SFXN3: variants seen among roughly 807,000 people sequenced by gnomAD.
SFXN3 encodes sideroflexin-3.
Under a neutral mutation model 40.4 loss-of-function variants are expected in SFXN3, and 31 were observed. That is an observed-to-expected ratio of 0.77 (90% CI 0.58 to 1.04). SFXN3 has a LOEUF of 1.04. Ranked by LOEUF, SFXN3 falls within the 50% of genes least tolerant of loss-of-function variation. The pLI is 0.00. For synonymous variants in SFXN3, 157 were observed against 160.0 expected, an observed-to-expected ratio of 0.98 and a Z score of 0.14; for missense variants, 366 against 408.2, an observed-to-expected ratio of 0.90 and a Z score of 0.89.
At position 101,036,334 on chromosome 10, in the gene SFXN3, A is replaced by C. The variant is rs1274960117; in HGVS notation, c.432-152A>C. 1.2e-6 allele frequency: 1 copy of C among 810,126 alleles called. No homozygotes were observed. Among genetic ancestry groups the C allele is most frequent in the Non-Finnish European group, 2.0e-6 (1 of 502,098 alleles). 50.2% of individuals were successfully genotyped at this position (810,126 alleles called of 1,614,324 possible). Reference sequence around the variant, plus strand: ...CACAGGGTGCTACTGGGGCTTCTAGACAAGTTTACGCCGGAGATGGAGGGA... The same window carrying C: ...CACAGGGTGCTACTGGGGCTTCTAGCCAAGTTTACGCCGGAGATGGAGGGA... On this transcript the variant is annotated intron_variant, in intron 5 of 11. Coordinates refer to ENST00000393459, the Ensembl canonical transcript of SFXN3. The surrounding 1 kb of genome is among the most constrained non-coding windows in gnomAD (Gnocchi z 4.2).
In SFXN3 at chr10:101,036,427, G is replaced by C. The variant is rs1273844184; in HGVS notation, c.432-59G>C. ...TTGAGGACTTGGCATATCCCTAAAG[G>C]AAAGGGCCACCTGCTGGACTTGTCA... On this transcript the variant is annotated intron_variant, in intron 5 of 11. Transcript: ENST00000393459. This position sits in a 1 kb window ranked among gnomAD's most constrained non-coding sequence, Gnocchi z 4.2. The C allele has an allele frequency of 6.4e-7, 1 of 1,556,208 alleles. No individual in the cohort carries two copies. Among genetic ancestry groups the C allele is most frequent in the East Asian group, 2.2e-5 (1 of 44,510 alleles).
intron 2 of SFXN3, among the ~76,000 whole-genome samples, chr10:101,033,970 T>C (rs976821301): frequency 2.0e-5 from 3 of 152,096 alleles, no homozygotes; most frequent in Non-Finnish European, 2.9e-5. Flanking sequence ...GTTTTTCTCC[T>C]ATCTCAGAAT....
Position 101,039,918 on chromosome 10 carries a change from T to C in SFXN3, c.*333T>C. ...ATGTTCTGACATCTGGCTTCCCTTC[T>C]CAGCCTCATGTCCACCTGCCTGCCA... On this transcript the variant is annotated 3_prime_UTR_variant, in exon 12 of 12. Coordinates refer to ENST00000393459, the Ensembl canonical transcript of SFXN3. The surrounding 1 kb of genome is among the most constrained non-coding windows in gnomAD (Gnocchi z 4.6). 3.7e-6 allele frequency: 1 copy of C among 269,914 alleles called. No individual in the cohort carries two copies. Among genetic ancestry groups the C allele is most frequent in the Non-Finnish European group, 7.2e-6 (1 of 139,574 alleles). 16.7% of individuals were successfully genotyped at this position (269,914 alleles called of 1,614,324 possible).
At chr10:101,035,059 G>A (rs886859415) in intron 3 of SFXN3, among the ~76,000 whole-genome samples, 3 of 152,218 alleles carry the variant, frequency 2.0e-5, no homozygotes, top group Non-Finnish European at 2.9e-5. Flanking sequence ...TGATATTTAT[G>A]GGAGGGGCTG....
intron 2 of SFXN3, among the ~76,000 whole-genome samples, chr10:101,033,751 A>C (rs807050): frequency 0.36 from 54,657 of 151,950 alleles, 10,337 homozygotes; most frequent in Non-Finnish European, 0.38. Context: ...AAAGGAATGT[A>C]GTAGTAGAGC....
intron 2 of SFXN3, 85 bp from the exon 3 acceptor site, chr10:101,034,607 C>A: frequency 6.8e-7 from 1 of 1,461,926 alleles, no homozygotes; most frequent in South Asian, 1.2e-5. Flanking sequence ...AGCTCAGGGG[C>A]CAGGGCAGGG....
chr10:101,040,527 C>T (rs1398794592), exon 12 of SFXN3: 1 of 151,850 alleles, frequency 6.6e-6, no homozygotes, highest in Non-Finnish European at 1.5e-5. Flanking sequence ...AGGACATCCT[C>T]AAGGGCAGCT....
chr10:101,032,166 G>A (rs1938271392), intron 1 of SFXN3, 148 bp from the exon 2 acceptor site: 3 of 353,848 alleles, frequency 8.5e-6, no homozygotes, highest in Non-Finnish European at 1.5e-5. Context: ...AGGGAGCAGC[G>A]CCCGCGGCTC....
At position 101,039,536 on chromosome 10, in the gene SFXN3, A is replaced by T. The variant is rs765553802; in HGVS notation, c.917A>T (p.His306Leu). ...GAACCAGAGCTGAGAGCTCAGATCC[A>T]TGAGCAAAACCCCAGCGTTGAAGTG... Residue 306 changes from histidine (H) to leucine (L), a missense_variant, in exon 12 of 12, where the codon CAT becomes CTT. Transcript: ENST00000393459. This position sits in a 1 kb window ranked among gnomAD's most constrained non-coding sequence, Gnocchi z 4.6. 1.2e-6 allele frequency: 2 copies of T among 1,614,130 alleles called. No individual in the cohort carries two copies. The highest frequency in any genetic ancestry group is 3.3e-5 in the Admixed American group (2 of 60,020).
chr10:101,031,259 G>A (rs1337760264), exon 1 of SFXN3: 1 of 152,350 alleles, frequency 6.6e-6, no homozygotes, highest in East Asian at 1.9e-4. Flanking sequence ...TTAGGCGCCA[G>A]GGACAGCCGA....
rs1215335608 is a variant in SFXN3, at chr10:101,039,122, G to C, written c.822-53G>C. On this transcript the variant is annotated intron_variant, in intron 10 of 11. Transcript: ENST00000393459. The surrounding 1 kb of genome is among the most constrained non-coding windows in gnomAD (Gnocchi z 4.6). Reference sequence around the variant, plus strand: ...AAGGATGGGGTGGGGTGCAGGGAGGGAACACCCTAAGGCCAAAGCTTTACA... The same window carrying C: ...AAGGATGGGGTGGGGTGCAGGGAGGCAACACCCTAAGGCCAAAGCTTTACA... 7 of 1,517,014 alleles carry C rather than the reference G, an allele frequency of 4.6e-6. No homozygotes were observed. Among genetic ancestry groups the C allele is most frequent in the East Asian group, 4.5e-5 (2 of 44,432 alleles). 94.0% of individuals were successfully genotyped at this position (1,517,014 alleles called of 1,614,324 possible). A position where few individuals can be genotyped will look rare whatever the true frequency, so the allele number is the denominator to read the frequency against.
At chr10:101,034,802 G>A in exon 3 of SFXN3, 5 of 1,614,180 alleles carry the variant, frequency 3.1e-6, no homozygotes, top group Non-Finnish European at 4.2e-6. Flanking sequence ...CTCGAAATCT[G>A]CTGCTGTCCG....
chr10:101,037,103 T>C (rs1938650084), exon 8 of SFXN3: 1 of 1,613,958 alleles, frequency 6.2e-7, no homozygotes, highest in South Asian at 1.1e-5. Flanking sequence ...TCCCGGTGGC[T>C]GATGAGGCAG....
rs545533417 is a variant in SFXN3, at chr10:101,034,563, T to C, written c.-3-129T>C. 6.6e-6 allele frequency: 6 copies of C among 908,912 alleles called. No individual in the cohort carries two copies. In the South Asian group the frequency reaches 9.4e-5, roughly 14 times the overall value. The allele number at this position is 908,912 out of a possible 1,614,324, so 56.3% of individuals were successfully genotyped here. A position where few individuals can be genotyped will look rare whatever the true frequency, so the allele number is the denominator to read the frequency against. On this transcript the variant is annotated intron_variant, in intron 2 of 11. Coordinates refer to ENST00000393459, the Ensembl canonical transcript of SFXN3. ...GATCTCTCTTTCTTTTCCCTACATC[T>C]AGTCACCTTGAGCTCTTGAAGGGAC...
chr10:101,032,477 GA>G, exon 2 of SFXN3: 1 of 1,550,098 alleles, frequency 6.5e-7, no homozygotes, highest in Non-Finnish European at 8.7e-7. Context: ...GAGAGCGATG[GA>G]AAGCGTAAGT....
In SFXN3 at chr10:101,039,195, T is replaced by A. The variant is rs991552697; in HGVS notation, c.842T>A (p.Leu281Gln). Residue 281 changes from leucine to glutamine, a missense_variant, in exon 11 of 12, where the codon CTG (leucine) becomes CAG (glutamine). By Grantham distance (113) the Leu-to-Gln change is moderately radical. Transcript: ENST00000393459. The surrounding 1 kb of genome is among the most constrained non-coding windows in gnomAD (Gnocchi z 4.6). ...CCCAGCCTGGTATTTGCAACCCCCC[T>A]GTGCTGTGCCCTATTCCCCCAGAAG... The A allele has an allele frequency of 6.2e-7, 1 of 1,610,218 alleles. No individual in the cohort carries two copies. Among genetic ancestry groups the A allele is most frequent in the Non-Finnish European group, 8.5e-7 (1 of 1,178,120 alleles).
At position 101,037,449 on chromosome 10, in the gene SFXN3, T is replaced by G. The variant is rs1434423445; in HGVS notation, c.771+18T>G. 1 of 1,614,198 alleles carries G rather than the reference T, an allele frequency of 6.2e-7. No homozygotes were observed. The highest frequency in any genetic ancestry group is 1.1e-5 in the South Asian group (1 of 91,078). On this transcript the variant is annotated intron_variant, in intron 9 of 11. Transcript: ENST00000393459. The stretch of plus-strand genomic sequence containing the variant: ...TCCTGAAGGTAGGCGACTGTACCTC[T>G]CTTGTCCTGGAATGGGCGATGGCTG...
chr10:101,037,485 C>T, intron 9 of SFXN3, 54 bp downstream of exon 9: 1 of 1,613,878 alleles, frequency 6.2e-7, no homozygotes, highest in Non-Finnish European at 8.5e-7. Context: ...GGAGAAGTGA[C>T]CAGGCCCCAA....
chr10:101,037,720 A>T, intron 9 of SFXN3: 3 of 1,357,364 alleles, frequency 2.2e-6, no homozygotes, highest in Non-Finnish European at 2.9e-6. Flanking sequence ...GCTTGATCTC[A>T]TGCTCATTCT....
Sources: allele counts gnomAD v4.1 joint callset (sites outside exome capture counted in the v4.1 genomes callset), GRCh38; gene constraint gnomAD v4.1.1; non-coding constraint Gnocchi (gnomAD v3.1); transcripts MANE v1.5; gene names NCBI Gene and HGNC (gene_info 2026-07-23, HGNC 2026-07-21).